Variants in MED26 observed in about 807,000 individuals in gnomAD.
The protein encoded by MED26 is mediator complex subunit 26.
MED26 carries 7 observed loss-of-function variants against 43.7 expected under a neutral mutation model. That is an observed-to-expected ratio of 0.16 (90% CI 0.09 to 0.30). The LOEUF (loss-of-function observed/expected upper bound fraction) is 0.30, where lower values mean the gene tolerates loss of function less well. MED26 is among the 10% of genes least tolerant of loss of function. The pLI, the probability that MED26 is intolerant of heterozygous loss-of-function variation, is 1.00. For missense variants in MED26, 784 were observed against 840.6 expected (o/e 0.93, Z 0.83); for synonymous variants, 375 against 371.1 (o/e 1.01, Z -0.12).
chr19:16,612,257 A>C (rs1038911065), intron 1 of MED26: 2 of 152,156 alleles, frequency 1.3e-5, no homozygotes, highest in Non-Finnish European at 2.9e-5. Context: ...AAAATCTTGG[A>C]GATCTTATGA....
In MED26 at chr19:16,576,084, G is replaced by A. The variant is rs1198495102; in HGVS notation, c.1746C>T (p.Leu582=). ...AGCGCCCGTCGTCGCCGTGCGGATC[G>A]AGCGATATGCACTGCGTCCAGTCAT... ...NWYDWTQCIS[L]DPHGDDGRLN... The change falls in exon 3 of 3, where the codon CTC becomes CTT. Residue 582 remains leucine, a synonymous_variant. Transcript: ENST00000263390. This position sits in a 1 kb window ranked among gnomAD's most constrained non-coding sequence, Gnocchi z 6.8. The A allele has an allele frequency of 4.3e-6, 7 of 1,613,724 alleles. No individual in the cohort carries two copies. Among genetic ancestry groups the A allele is most frequent in the African/African-American group, 2.7e-5 (2 of 74,902 alleles).
At chr19:16,584,189 G>T (rs2086059539) in intron 1 of MED26, among the ~76,000 whole-genome samples, 1 of 151,402 alleles carries the variant, frequency 6.6e-6, no homozygotes, top group Non-Finnish European at 1.5e-5. Flanking sequence ...GGAGGCGGAG[G>T]TTGCAATGAG....
chr19:16,604,615 G>C (rs1386455259), intron 1 of MED26, among the ~76,000 whole-genome samples: 1 of 152,180 alleles, frequency 6.6e-6, no homozygotes, highest in East Asian at 1.9e-4. Flanking sequence ...CTGGTTCTAA[G>C]GACTGTACAC....
intron 1 of MED26, among the ~76,000 whole-genome samples, chr19:16,591,943 G>A (rs2086099742): frequency 6.6e-6 from 1 of 152,170 alleles, no homozygotes; most frequent in Non-Finnish European, 1.5e-5. Context: ...AACAGCACGG[G>A]CATCACCAGG....
chr19:16,582,091 C>T (rs2086048645), intron 1 of MED26, among the ~76,000 whole-genome samples: 1 of 152,262 alleles, frequency 6.6e-6, no homozygotes, highest in Non-Finnish European at 1.5e-5. Context: ...CTTCTGAGCC[C>T]TAGAGCCTGA....
At chr19:16,613,268 G>A (rs984864409) in intron 1 of MED26, among the ~76,000 whole-genome samples, 2 of 152,036 alleles carry the variant, frequency 1.3e-5, no homozygotes, top group African/African-American at 4.8e-5. Flanking sequence ...GGGGAGAGGA[G>A]GCTTAGAGGA....
At chr19:16,609,336 A>AAAAAAAAAAAAAAGAGAGAGAG (rs765489188) in intron 1 of MED26, among the ~76,000 whole-genome samples, 1 of 142,266 alleles carries the variant, frequency 7.0e-6, no homozygotes, top group Non-Finnish European at 1.6e-5. Context: ...AAAAAAAAAA[A>AAAAAAAAAAAAAAGAGAGAGAG]AGAGAGAGAA....
chr19:16,608,724 G>A (rs2086185380), intron 1 of MED26, among the ~76,000 whole-genome samples: 1 of 152,184 alleles, frequency 6.6e-6, no homozygotes, highest in Admixed American at 6.5e-5. Context: ...CTCACATACT[G>A]TCTCTGGCTG....
At chr19:16,620,063 C>T (rs1334640262) in intron 1 of MED26, among the ~76,000 whole-genome samples, 1 of 152,164 alleles carries the variant, frequency 6.6e-6, no homozygotes, top group Non-Finnish European at 1.5e-5. Flanking sequence ...GTGAAAAATA[C>T]CTGACGAGAA....
intron 1 of MED26, among the ~76,000 whole-genome samples, chr19:16,605,709 G>A (rs766649621): frequency 6.6e-5 from 10 of 152,242 alleles, no homozygotes; most frequent in South Asian, 2.1e-4. Context: ...ACATGGCTTG[G>A]TGAAGGCATA....
At chr19:16,609,733 A>C (rs2086191059) in intron 1 of MED26, among the ~76,000 whole-genome samples, 1 of 152,076 alleles carries the variant, frequency 6.6e-6, no homozygotes, top group Non-Finnish European at 1.5e-5. Context: ...ATTACATATA[A>C]ATGAAAAGAT....
At chr19:16,613,712 G>C (rs1158913109) in intron 1 of MED26, among the ~76,000 whole-genome samples, 2 of 152,166 alleles carry the variant, frequency 1.3e-5, no homozygotes, top group Non-Finnish European at 2.9e-5. Flanking sequence ...TCTATAAAAT[G>C]GGATAATTCT....
At chr19:16,595,962 T>G (rs1021985188) in intron 1 of MED26, among the ~76,000 whole-genome samples, 4 of 152,210 alleles carry the variant, frequency 2.6e-5, no homozygotes, top group African/African-American at 9.7e-5. Flanking sequence ...TAAACTTTAC[T>G]CCAAGAGAGT....
chr19:16,614,984 C>G (rs1267737685), intron 1 of MED26, among the ~76,000 whole-genome samples: 1 of 152,100 alleles, frequency 6.6e-6, no homozygotes, highest in African/African-American at 2.4e-5. Flanking sequence ...CAGAAATGGA[C>G]CCACATCCAT....
chr19:16,593,859 T>G (rs2086108840), intron 1 of MED26, among the ~76,000 whole-genome samples: 1 of 152,168 alleles, frequency 6.6e-6, no homozygotes, highest in Admixed American at 6.5e-5. Context: ...ATGGTGGCAC[T>G]GGCTCTGCTG....
chr19:16,582,625 T>G (rs1403084478), intron 1 of MED26, among the ~76,000 whole-genome samples: 1 of 152,128 alleles, frequency 6.6e-6, no homozygotes, highest in Non-Finnish European at 1.5e-5. Context: ...CGTATGTGGC[T>G]GAGGGGAGGC....
Position 16,577,038 on chromosome 19 carries a change from A to C in MED26, c.792T>G (p.His264Gln). Reference protein sequence around the residue: ...DRVDETPGPPHPKGPPRCSFS... With the variant: ...DRVDETPGPPQPKGPPRCSFS... ...AAGAGCAGCGAGGGGGTCCCTTGGG[A>C]TGGGGAGGCCCCGGAGTCTCGTCCA... is the stretch of plus-strand genomic sequence containing the variant. The change falls in exon 3 of 3, where the codon CAT (histidine) becomes CAG (glutamine). Residue 264 changes from histidine to glutamine, a missense_variant. By Grantham distance (24) the His-to-Gln change is conservative (BLOSUM62 0). Coordinates refer to ENST00000263390, the MANE Select transcript of MED26 (RefSeq NM_004831.5). The surrounding 1 kb of genome is among the most constrained non-coding windows in gnomAD (Gnocchi z 8.1). 1.2e-6 allele frequency: 2 copies of C among 1,608,672 alleles called. No homozygotes were observed. The highest frequency in any genetic ancestry group is 1.7e-6 in the Non-Finnish European group (2 of 1,176,340).
chr19:16,617,365 C>T (rs1404245743), intron 1 of MED26, among the ~76,000 whole-genome samples: 1 of 152,204 alleles, frequency 6.6e-6, no homozygotes, highest in Non-Finnish European at 1.5e-5. Flanking sequence ...GGAAACACCT[C>T]CCTGACTTAC....
intron 1 of MED26, chr19:16,588,345 A>C (rs1362725046): frequency 6.6e-6 from 1 of 152,340 alleles, no homozygotes; most frequent in South Asian, 2.1e-4. Flanking sequence ...TGTTCCGCCA[A>C]AGACAGAGCC....
Sources: gnomAD v4.1 joint callset for allele counts (sites outside exome capture counted in the v4.1 genomes callset) on GRCh38, gnomAD v4.1.1 for gene constraint, Gnocchi (gnomAD v3.1) non-coding constraint, MANE v1.5 for transcripts, NCBI Gene and HGNC (gene_info 2026-07-23, HGNC 2026-07-21) for gene names.